The following FCHSD2 variants were observed in gnomAD, a reference collection of about 807,000 sequenced individuals.
The protein encoded by FCHSD2 is F-BAR and double SH3 domains protein 2.
In FCHSD2, 38 loss-of-function variants were observed where a neutral mutation model predicts 108.1. The observed-to-expected ratio is 0.35, with a 90% CI of 0.27 to 0.46. FCHSD2 has a LOEUF of 0.46. FCHSD2 is among the 20% of genes least tolerant of loss of function. The probability of loss-of-function intolerance (pLI) is 1.00; values close to 1 mark genes in which losing one functional copy is unlikely to be tolerated. For missense variants in FCHSD2, 751 were observed against 897.8 expected (o/e 0.84, Z 2.09); for synonymous variants, 279 against 314.7 (o/e 0.89, Z 1.20).
At chr11:73,113,162 A>C (rs1192749945) in intron 2 of FCHSD2, among the ~76,000 whole-genome samples, 1 of 151,888 alleles carries the variant, frequency 6.6e-6, no homozygotes, top group Non-Finnish European at 1.5e-5. Context: ...ATTTTTTGTA[A>C]GTATTTCAAT....
intron 3 of FCHSD2, among the ~76,000 whole-genome samples, chr11:73,056,565 A>T (rs1014583794): frequency 3.3e-5 from 5 of 152,228 alleles, no homozygotes; most frequent in Non-Finnish European, 7.3e-5. Context: ...TCACCTAAGG[A>T]TTTATTATCA....
intron 2 of FCHSD2, among the ~76,000 whole-genome samples, chr11:73,096,938 C>T (rs1188238730): frequency 5.9e-5 from 8 of 134,556 alleles, no homozygotes; most frequent in African/African-American, 2.3e-4. Flanking sequence ...CTGAGATAAT[C>T]ATGTGGTTCT....
intron 8 of FCHSD2, among the ~76,000 whole-genome samples, chr11:72,956,445 T>C (rs1335013916): frequency 6.6e-6 from 1 of 152,194 alleles, no homozygotes; most frequent in Non-Finnish European, 1.5e-5. Context: ...TCTCAATCTG[T>C]TGAGGCTGAT....
At chr11:72,920,691 T>A (rs1855961019) in intron 9 of FCHSD2, among the ~76,000 whole-genome samples, 1 of 152,122 alleles carries the variant, frequency 6.6e-6, no homozygotes, top group Admixed American at 6.6e-5. Context: ...TTCTGAAAAA[T>A]TCAAATATAT....
intron 4 of FCHSD2, among the ~76,000 whole-genome samples, chr11:73,010,390 A>T (rs1179342231): frequency 6.6e-6 from 1 of 151,824 alleles, no homozygotes; most frequent in Non-Finnish European, 1.5e-5. Flanking sequence ...TTTTTCCAGG[A>T]TTTTGTAAAT....
rs1223112444 is a variant in FCHSD2 at position 72,889,865 on chromosome 11, C to G, written c.1005G>C (p.Val335=). The G allele has an allele frequency of 6.2e-7, 1 of 1,613,186 alleles. No homozygotes were observed. The highest frequency in any genetic ancestry group is 8.5e-7 in the Non-Finnish European group (1 of 1,179,176). Residue 335 remains valine, a synonymous_variant, in exon 11 of 20, where the codon GTG becomes GTC. Coordinates refer to ENST00000409418, the MANE Select transcript of FCHSD2 (RefSeq NM_014824.3). ...NKEARKWATR[V]AREHKNIVHQ... is the part of the protein sequence containing the mutation. ...GAACAATGTTTTTATGCTCACGTGC[C>G]ACACGTGTGGCCCATTTTCGAGCTT...
At chr11:72,895,539 A>G (rs1855400438) in intron 10 of FCHSD2, among the ~76,000 whole-genome samples, 1 of 152,134 alleles carries the variant, frequency 6.6e-6, no homozygotes, top group Admixed American at 6.5e-5. Context: ...TAGATAGGGG[A>G]ACTTTCAGGC....
intron 10 of FCHSD2, among the ~76,000 whole-genome samples, chr11:72,900,042 AG>A (rs768293196): frequency 9.2e-5 from 14 of 152,196 alleles, no homozygotes; most frequent in Non-Finnish European, 1.6e-4. Flanking sequence ...AAGAAGATTA[AG>A]GTGCTTCACA....
intron 8 of FCHSD2, among the ~76,000 whole-genome samples, chr11:72,977,172 T>C (rs1433927141): frequency 6.6e-6 from 1 of 152,224 alleles, no homozygotes; most frequent in Non-Finnish European, 1.5e-5. Flanking sequence ...TCCACCTGCC[T>C]TGGCCTCCCA....
chr11:72,902,605 G>A lies in FCHSD2; in HGVS notation c.862C>T (p.Gln288Ter). The change falls in exon 10 of 20, where the codon CAA (glutamine) becomes TAA (stop). Residue 288 changes from glutamine to a stop codon, truncating the protein, a stop_gained. Transcript: ENST00000409418. LOFTEE classifies it high-confidence loss of function. ...GGTTTGTGAAATACAGCGTTTTCTT[G>A]CAAAAACAGCTGAAGATTGTAGTCC... ...VRDYNLQLFL[Q>*]ENAVFHKPQP... 1 of 1,581,990 alleles carries A rather than the reference G, an allele frequency of 6.3e-7. No homozygotes were observed. The highest frequency in any genetic ancestry group is 1.2e-5 in the South Asian group (1 of 86,176).
chr11:73,003,341 T>C (rs559425460), intron 4 of FCHSD2, among the ~76,000 whole-genome samples: 35 of 152,348 alleles, frequency 2.3e-4, no homozygotes, highest in African/African-American at 8.2e-4. Context: ...AAATTCATGA[T>C]ACACAGATTC....
At chr11:72,975,247 T>C (rs1426752452) in intron 8 of FCHSD2, among the ~76,000 whole-genome samples, 2 of 152,238 alleles carry the variant, frequency 1.3e-5, no homozygotes, top group Admixed American at 1.3e-4. Context: ...ATTCCACATC[T>C]TAGCTATTGT....
intron 9 of FCHSD2, among the ~76,000 whole-genome samples, chr11:72,910,527 C>T (rs901660050): frequency 8.5e-5 from 13 of 152,140 alleles, no homozygotes; most frequent in Non-Finnish European, 1.6e-4. Context: ...ACCTTACCCC[C>T]AACCCCATGC....
In FCHSD2 at chr11:73,083,059, G is replaced by C. The variant is rs1293012829; in HGVS notation, c.165+636C>G. On this transcript the variant is annotated intron_variant, in intron 3 of 19. Coordinates refer to ENST00000409418, the MANE Select transcript of FCHSD2 (RefSeq NM_014824.3). The stretch of plus-strand genomic sequence containing the variant: ...CACAGTCATAATGAGAACTAAATGC[G>C]TGATGAAAAATTAACCTTTCATAAA... Among the ~76,000 whole-genome samples, 3 of 152,112 alleles carry C rather than the reference G, an allele frequency of 2.0e-5. 1 individual carries two copies. The highest frequency in any genetic ancestry group is 4.4e-5 in the Non-Finnish European group (3 of 68,026).
chr11:73,011,826 T>C (rs1857869839), intron 4 of FCHSD2, among the ~76,000 whole-genome samples: 1 of 152,194 alleles, frequency 6.6e-6, no homozygotes, highest in Non-Finnish European at 1.5e-5. Context: ...TTTTTAACTT[T>C]AGGTATTTCC....
intron 3 of FCHSD2, among the ~76,000 whole-genome samples, chr11:73,082,266 G>C (rs1859706773): frequency 6.9e-6 from 1 of 144,814 alleles, no homozygotes; most frequent in African/African-American, 2.5e-5. Context: ...GAATCTGGGA[G>C]GTGGAAGTTG....
At chr11:72,946,267 A>G (rs1458706518) in intron 8 of FCHSD2, among the ~76,000 whole-genome samples, 3 of 152,020 alleles carry the variant, frequency 2.0e-5, no homozygotes, top group Non-Finnish European at 4.4e-5. Flanking sequence ...GAAGCTGGAA[A>G]CCATCATTCT....
rs143031441 is a variant in FCHSD2 at position 72,962,259 on chromosome 11, A to G, written c.705+21829T>C. Among the ~76,000 whole-genome samples the G allele has an allele frequency of 2.6e-5, 4 of 152,306 alleles. No homozygotes were observed. In the East Asian group the frequency reaches 7.7e-4, roughly 29 times the overall value. ...CCACTCTTTCACAAGTATGTGGTAT[A>G]GTTTTCTAGAGGCTGAATAACGTGA... On this transcript the variant is annotated intron_variant, in intron 8 of 19. Coordinates refer to ENST00000409418, the MANE Select transcript of FCHSD2 (RefSeq NM_014824.3).
chr11:72,888,483 T>G (rs1196145957), intron 11 of FCHSD2, among the ~76,000 whole-genome samples: 1 of 152,152 alleles, frequency 6.6e-6, no homozygotes, highest in Admixed American at 6.5e-5. Context: ...GCAATTCTTT[T>G]AAGAAGCAGG....
Sources: gnomAD v4.1 joint callset for allele counts (sites outside exome capture counted in the v4.1 genomes callset) on GRCh38, gnomAD v4.1.1 for gene constraint, MANE v1.5 for transcripts, NCBI Gene and HGNC (gene_info 2026-07-23, HGNC 2026-07-21) for gene names.